The following SPOCK3 variants were observed in gnomAD, a reference collection of about 807,000 sequenced individuals.
SPOCK3 encodes SPARC (osteonectin), cwcv and kazal like domains proteoglycan 3, also known as testican-3.
Under a neutral mutation model 56.6 loss-of-function variants are expected in SPOCK3, and 30 were observed. The observed-to-expected ratio is 0.53, with a 90% CI of 0.40 to 0.72. The LOEUF (loss-of-function observed/expected upper bound fraction) is 0.72. Ranked by LOEUF, SPOCK3 falls within the 30% of genes least tolerant of loss-of-function variation. The pLI is 0.00. For synonymous variants in SPOCK3, 196 were observed against 183.3 expected, an observed-to-expected ratio of 1.07 and a Z score of -0.56; for missense variants, 527 against 530.0, an observed-to-expected ratio of 0.99 and a Z score of 0.06.
chr4:166,883,003 C>T (rs772051292), intron 6 of SPOCK3: 6 of 152,162 alleles, frequency 3.9e-5, no homozygotes, highest in South Asian at 2.1e-4. Context: ...ATATTAGTTA[C>T]GGAGAAGCAT....
At chr4:166,897,117 G>T (rs1735477469) in intron 5 of SPOCK3, among the ~76,000 whole-genome samples, 1 of 151,992 alleles carries the variant, frequency 6.6e-6, no homozygotes, top group Non-Finnish European at 1.5e-5. Flanking sequence ...TTCCATGATT[G>T]GAACTATTGT....
At chr4:166,813,656 A>G (rs1403081627) in intron 6 of SPOCK3, among the ~76,000 whole-genome samples, 3 of 151,926 alleles carry the variant, frequency 2.0e-5, no homozygotes, top group African/African-American at 7.2e-5. Context: ...ATTTGAGGTA[A>G]AAAAGAAAAT....
intron 3 of SPOCK3, among the ~76,000 whole-genome samples, chr4:167,012,121 C>T (rs1750138469): frequency 6.6e-6 from 1 of 151,770 alleles, no homozygotes; most frequent in Admixed American, 6.6e-5. Flanking sequence ...TGTTTTGGGA[C>T]TATGTTTTAA....
At chr4:167,035,979 G>C (rs979948695) in intron 3 of SPOCK3, among the ~76,000 whole-genome samples, 10 of 152,092 alleles carry the variant, frequency 6.6e-5, no homozygotes. Flanking sequence ...ATTCACCATA[G>C]CTTAAATATC....
chr4:167,207,968 C>T (rs1364978304), intron 2 of SPOCK3, among the ~76,000 whole-genome samples: 1 of 152,112 alleles, frequency 6.6e-6, no homozygotes, highest in Non-Finnish European at 1.5e-5. Context: ...AATGCTAAGC[C>T]AAGGAAGCCT....
intron 2 of SPOCK3, among the ~76,000 whole-genome samples, chr4:167,147,960 AAAAG>A (rs147878659): frequency 0.083 from 12,580 of 152,062 alleles, 649 homozygotes; most frequent in Middle Eastern, 0.16. Context: ...AAGTATAATA[AAAAG>A]AAAGAAAGAA....
rs549039336 is a variant in SPOCK3, at chr4:166,765,417, T to A, written c.710-10688A>T. Among the ~76,000 whole-genome samples the A allele has an allele frequency of 1.5e-3, 231 of 152,346 alleles. 1 individual carries two copies. The highest frequency in any genetic ancestry group is 7.2e-3 in the South Asian group (35 of 4,828). On this transcript the variant is annotated intron_variant, in intron 7 of 10. Coordinates refer to ENST00000357545, the MANE Select transcript of SPOCK3 (RefSeq NM_001040159.2). ...GCTTTGTACATATGGCTAGCCAGTTTTCCCAGCACCATTTATTAAAAAGGG... is the reference window on the plus strand; with the variant it reads ...GCTTTGTACATATGGCTAGCCAGTTATCCCAGCACCATTTATTAAAAAGGG...
At chr4:167,111,899 A>G (rs1760934061) in intron 2 of SPOCK3, among the ~76,000 whole-genome samples, 1 of 151,946 alleles carries the variant, frequency 6.6e-6, no homozygotes, top group Non-Finnish European at 1.5e-5. Context: ...CTGGGACTAC[A>G]TGAGTGAGCC....
At chr4:167,148,446 T>G (rs919396335) in intron 2 of SPOCK3, among the ~76,000 whole-genome samples, 1 of 152,240 alleles carries the variant, frequency 6.6e-6, no homozygotes, top group Non-Finnish European at 1.5e-5. Flanking sequence ...GCATAGTGGC[T>G]TAAGTATTAT....
At chr4:167,072,600 A>G (rs1756786102) in intron 2 of SPOCK3, among the ~76,000 whole-genome samples, 1 of 151,974 alleles carries the variant, frequency 6.6e-6, no homozygotes, top group African/African-American at 2.4e-5. Flanking sequence ...AAAGAACATT[A>G]ATTTTAAGAA....
At chr4:166,847,305 A>G (rs1203654978) in intron 6 of SPOCK3, among the ~76,000 whole-genome samples, 1 of 152,046 alleles carries the variant, frequency 6.6e-6, no homozygotes, top group East Asian at 1.9e-4. Context: ...GATATGTAGT[A>G]TAGGGAGACT....
intron 6 of SPOCK3, among the ~76,000 whole-genome samples, chr4:166,868,008 A>G (rs1410685848): frequency 6.6e-6 from 1 of 152,164 alleles, no homozygotes. Context: ...TTTTAAAAAT[A>G]AGTTTTGAGA....
chr4:166,768,578 C>G (rs1738466681), intron 7 of SPOCK3, among the ~76,000 whole-genome samples: 1 of 152,172 alleles, frequency 6.6e-6, no homozygotes, highest in Non-Finnish European at 1.5e-5. Flanking sequence ...ATGGGTTTCC[C>G]TTTGTGGGAA....
At chr4:167,117,246 C>T (rs1487812108) in intron 2 of SPOCK3, among the ~76,000 whole-genome samples, 1 of 152,004 alleles carries the variant, frequency 6.6e-6, no homozygotes, top group Non-Finnish European at 1.5e-5. Context: ...GGAAAAGGAA[C>T]ATCAGCACAA....
intron 6 of SPOCK3, among the ~76,000 whole-genome samples, chr4:166,831,691 T>A (rs1746073892): frequency 6.6e-6 from 1 of 151,284 alleles, no homozygotes; most frequent in Non-Finnish European, 1.5e-5. Flanking sequence ...TAGTCTTGTC[T>A]ATTATATGGA....
At chr4:166,924,364 AAGTG>A (rs1738832642) in intron 4 of SPOCK3, among the ~76,000 whole-genome samples, 1 of 152,220 alleles carries the variant, frequency 6.6e-6, no homozygotes, top group Admixed American at 6.5e-5. Context: ...TCACAACTGT[AAGTG>A]AAAGAGTAAT....
intron 3 of SPOCK3, among the ~76,000 whole-genome samples, chr4:167,034,344 A>G (rs1057242514): frequency 1.3e-5 from 2 of 151,940 alleles, no homozygotes; most frequent in African/African-American, 2.4e-5. Flanking sequence ...AAAAAAAAAG[A>G]AACTGCTGAA....
intron 4 of SPOCK3, among the ~76,000 whole-genome samples, chr4:166,974,988 T>C (rs912911789): frequency 2.0e-5 from 3 of 152,158 alleles, no homozygotes; most frequent in African/African-American, 7.2e-5. Flanking sequence ...CAATTTATCA[T>C]GGGTGTGGGT....
intron 3 of SPOCK3, among the ~76,000 whole-genome samples, chr4:167,007,999 G>A (rs1475317390): frequency 6.6e-6 from 1 of 152,040 alleles, no homozygotes; most frequent in East Asian, 1.9e-4. Flanking sequence ...AAAGGAAAAA[G>A]AATAAAAGGT....
Sources: allele counts gnomAD v4.1 joint callset (sites outside exome capture counted in the v4.1 genomes callset), GRCh38; gene constraint gnomAD v4.1.1; transcripts MANE v1.5; gene names NCBI Gene and HGNC (gene_info 2026-07-23, HGNC 2026-07-21).